PLCE1: variants seen among roughly 807,000 people sequenced by gnomAD.
PLCE1 encodes the protein phospholipase C epsilon 1.
PLCE1 carries 119 observed loss-of-function variants against 242.8 expected under a neutral mutation model. The observed-to-expected ratio is 0.49, with a 90% CI of 0.42 to 0.57. PLCE1 has a LOEUF of 0.57. Among genes scored for constraint, PLCE1 ranks in the 20% least tolerant of loss-of-function variants. PLCE1 has a pLI of 0.00. For missense variants in PLCE1, 2,441 were observed against 2,788.8 expected, an observed-to-expected ratio of 0.88 and a Z score of 2.81; for synonymous variants, 945 against 1,017.4, an observed-to-expected ratio of 0.93 and a Z score of 1.35.
At position 94,204,258 on chromosome 10, in the gene PLCE1, G is replaced by A. The variant is rs150574310; in HGVS notation, c.1810-23048G>A. On this transcript the variant is annotated intron_variant, in intron 4 of 32. Coordinates refer to ENST00000371380, the MANE Select transcript of PLCE1 (RefSeq NM_016341.4). ...CATTCTCATTATCTGAAAAAGAAAAGGAGTTGGAGGAGCAGATAAAAGAAG... is the reference window on the plus strand; with the variant it reads ...CATTCTCATTATCTGAAAAAGAAAAAGAGTTGGAGGAGCAGATAAAAGAAG... Among the ~76,000 whole-genome samples, 482 of 152,254 alleles carry A rather than the reference G, an allele frequency of 3.2e-3. 2 individuals carry two copies. The highest frequency in any genetic ancestry group is 7.6e-3 in the African/African-American group (316 of 41,544).
chr10:94,085,890 G>C (rs562649153), intron 2 of PLCE1, among the ~76,000 whole-genome samples: 1 of 152,328 alleles, frequency 6.6e-6, no homozygotes, highest in South Asian at 2.1e-4. Context: ...TGTGCCCACA[G>C]TCAATATGCA....
At chr10:94,050,136 C>T (rs1043404019) in intron 2 of PLCE1, among the ~76,000 whole-genome samples, 2 of 152,144 alleles carry the variant, frequency 1.3e-5, no homozygotes, top group African/African-American at 2.4e-5. Context: ...ATTTACTCCA[C>T]GTATTAGTCC....
chr10:94,147,522 A>T (rs1035285789), intron 3 of PLCE1, among the ~76,000 whole-genome samples: 17 of 152,130 alleles, frequency 1.1e-4, no homozygotes, highest in Admixed American at 2.6e-4. Flanking sequence ...GAGAATTATG[A>T]ATGTTCATTC....
intron 8 of PLCE1, 43 bp from the exon 9 acceptor site, chr10:94,252,273 G>T (rs758050149): frequency 6.3e-7 from 1 of 1,575,200 alleles, no homozygotes; most frequent in Non-Finnish European, 8.7e-7. Flanking sequence ...CTTCCCCATT[G>T]CTTGATGCTT....
intron 22 of PLCE1, among the ~76,000 whole-genome samples, 186 bp from the exon 23 acceptor site, chr10:94,293,322 A>G (rs542535333): frequency 6.6e-6 from 1 of 152,170 alleles, no homozygotes; most frequent in Non-Finnish European, 1.5e-5. Context: ...GCCTATAGAG[A>G]TTTTTAAAAC....
intron 27 of PLCE1, among the ~76,000 whole-genome samples, chr10:94,309,456 G>A (rs1030906944): frequency 2.0e-5 from 3 of 152,040 alleles, no homozygotes; most frequent in Non-Finnish European, 4.4e-5. Context: ...TCAGCCTCCT[G>A]AGTAGATGGG....
intron 30 of PLCE1, among the ~76,000 whole-genome samples, chr10:94,322,806 A>G (rs1372540814): frequency 7.3e-5 from 11 of 151,688 alleles, no homozygotes; most frequent in Non-Finnish European, 1.5e-4. Context: ...AAGTACAAAA[A>G]TTAGCCAGGC....
At chr10:94,234,694 G>A (rs1319669294) in intron 6 of PLCE1, among the ~76,000 whole-genome samples, 1 of 152,158 alleles carries the variant, frequency 6.6e-6, no homozygotes, top group Non-Finnish European at 1.5e-5. Flanking sequence ...AAAAAGAGGG[G>A]AAGTCAACAC....
intron 3 of PLCE1, among the ~76,000 whole-genome samples, chr10:94,136,790 A>T (rs2046789167): frequency 6.6e-6 from 1 of 152,210 alleles, no homozygotes; most frequent in Non-Finnish European, 1.5e-5. Context: ...TTCTTATGTG[A>T]AGCATTGATC....
At chr10:94,114,586 A>G (rs571699410) in intron 2 of PLCE1, among the ~76,000 whole-genome samples, 13 of 152,148 alleles carry the variant, frequency 8.5e-5, no homozygotes, top group South Asian at 2.1e-4. Flanking sequence ...ACCAAGCCTC[A>G]TAGCACCTCC....
chr10:94,079,105 C>A (rs116146815), intron 2 of PLCE1, among the ~76,000 whole-genome samples: 1 of 151,938 alleles, frequency 6.6e-6, no homozygotes, highest in Admixed American at 6.6e-5. Context: ...TAATTGGTAG[C>A]CGTTACAAAA....
intron 1 of PLCE1, among the ~76,000 whole-genome samples, chr10:93,999,636 C>T (rs2060894839): frequency 6.6e-6 from 1 of 152,244 alleles, no homozygotes; most frequent in Admixed American, 6.5e-5. Context: ...TGCATCTGGA[C>T]AGCCCGAAGC....
intron 8 of PLCE1, 35 bp downstream of exon 8, chr10:94,246,656 C>T: frequency 1.3e-6 from 2 of 1,578,568 alleles, no homozygotes; most frequent in Non-Finnish European, 1.7e-6. Flanking sequence ...TCCTCACTGG[C>T]ATAATACTCA....
rs1589392459 is a variant in PLCE1 at position 94,234,144 on chromosome 10, G to A, written c.2046G>A (p.Glu682=). The A allele has an allele frequency of 6.2e-7, 1 of 1,614,074 alleles. No individual in the cohort carries two copies. The highest frequency in any genetic ancestry group is 1.1e-5 in the South Asian group (1 of 91,078). Residue 682 remains glutamate, a synonymous_variant, in exon 6 of 33, where the codon GAG becomes GAA. Transcript: ENST00000371380. ...TGAAGGATGCTATGGCCCAGCATGAGTCCTCTTGTGAGTACAGAAAGGTGG... is the reference window on the plus strand; with the variant it reads ...TGAAGGATGCTATGGCCCAGCATGAATCCTCTTGTGAGTACAGAAAGGTGG... ...RSLKDAMAQH[E]SSCEYRKVVT... is the part of the protein sequence containing the mutation.
intron 26 of PLCE1, among the ~76,000 whole-genome samples, chr10:94,307,429 TAC>T (rs2053239697): frequency 6.6e-6 from 1 of 152,200 alleles, no homozygotes; most frequent in East Asian, 1.9e-4. Context: ...ACAAACACAT[TAC>T]AGTTTCCTAC....
chr10:94,147,021 CA>C (rs1321826592), intron 3 of PLCE1, among the ~76,000 whole-genome samples: 1 of 152,166 alleles, frequency 6.6e-6, no homozygotes, highest in African/African-American at 2.4e-5. Context: ...TTTCCAGCCT[CA>C]CGATCTAGTT....
intron 1 of PLCE1, among the ~76,000 whole-genome samples, chr10:93,999,242 C>A (rs1187076559): frequency 2.6e-5 from 4 of 152,156 alleles, no homozygotes; most frequent in African/African-American, 9.7e-5. Context: ...TTGTTCTAAG[C>A]AATTTATAGG....
chr10:94,036,751 T>C (rs568353667), intron 2 of PLCE1, among the ~76,000 whole-genome samples: 1 of 152,106 alleles, frequency 6.6e-6, no homozygotes, highest in Non-Finnish European at 1.5e-5. Context: ...TTTTGAGGAG[T>C]TTAGATACAT....
chr10:94,098,110 C>T (rs1050025427), intron 2 of PLCE1, among the ~76,000 whole-genome samples: 3 of 152,198 alleles, frequency 2.0e-5, no homozygotes, highest in Admixed American at 6.5e-5. Context: ...ACATTTAGGA[C>T]CCTTAGGAAG....
Sources: allele counts gnomAD v4.1 joint callset (sites outside exome capture counted in the v4.1 genomes callset), GRCh38; gene constraint gnomAD v4.1.1; transcripts MANE v1.5; gene names NCBI Gene and HGNC (gene_info 2026-07-23, HGNC 2026-07-21).